Variants in BCKDHB observed in about 807,000 individuals in gnomAD.
The protein encoded by BCKDHB is 2-oxoisovalerate dehydrogenase subunit beta, mitochondrial.
Under a neutral mutation model 48.5 loss-of-function variants are expected in BCKDHB, and 41 were observed. That is an observed-to-expected ratio of 0.85 (90% CI 0.66 to 1.10). The LOEUF (loss-of-function observed/expected upper bound fraction) is 1.10. Ranked by LOEUF, BCKDHB falls within the 50% of genes least tolerant of loss-of-function variation. The pLI is 0.00. For missense variants in BCKDHB, 496 were observed against 494.2 expected (o/e 1.00, Z -0.03); for synonymous variants, 201 against 174.8 (o/e 1.15, Z -1.18).
chr6:80,185,255 T>C (rs1423207607), intron 6 of BCKDHB, among the ~76,000 whole-genome samples: 2 of 152,146 alleles, frequency 1.3e-5, no homozygotes, highest in Non-Finnish European at 2.9e-5. Context: ...TGTCTTTCAT[T>C]TCCAGAACTT....
At chr6:80,219,836 G>A (rs775299651) in intron 8 of BCKDHB, among the ~76,000 whole-genome samples, 7 of 151,880 alleles carry the variant, frequency 4.6e-5, no homozygotes, top group Non-Finnish European at 7.3e-5. Flanking sequence ...TGAAGATAAT[G>A]CTTCATTATA....
At position 80,191,287 on chromosome 6, in the gene BCKDHB, C is replaced by T. The variant is rs78108660; in HGVS notation, c.743-9647C>T. On this transcript the variant is annotated intron_variant, in intron 6 of 9. Transcript: ENST00000320393. ...ATGTATTCCCCGTATATCTTTCTTA[C>T]CTGAAAATAATTGTGTTTTGTCAGT... Among the ~76,000 whole-genome samples, 1,418 of 152,136 alleles carry T rather than the reference C, an allele frequency of 9.3e-3. 29 individuals are homozygous for T. The highest frequency in any genetic ancestry group is 0.033 in the African/African-American group (1,350 of 41,504).
chr6:80,177,114 CT>C (rs1486106278), intron 6 of BCKDHB, among the ~76,000 whole-genome samples: 1 of 149,714 alleles, frequency 6.7e-6, no homozygotes, highest in Non-Finnish European at 1.5e-5. Context: ...GTGGTCCTAG[CT>C]ACTTGGAAAG....
the BCKDHB span, among the ~76,000 whole-genome samples, chr6:80,453,492 A>G: frequency 7.9e-5 from 12 of 152,348 alleles, no homozygotes; most frequent in Middle Eastern, 3.4e-3. Context: ...AAAACAGTTC[A>G]TACACATACC....
chr6:80,432,534 G>T, the BCKDHB span, among the ~76,000 whole-genome samples: 1 of 151,992 alleles, frequency 6.6e-6, no homozygotes, highest in Non-Finnish European at 1.5e-5. Flanking sequence ...GCTCCATCTG[G>T]TCATTTATGT....
At chr6:80,358,773 C>A in the BCKDHB span, among the ~76,000 whole-genome samples, 3 of 152,194 alleles carry the variant, frequency 2.0e-5, no homozygotes, top group East Asian at 5.8e-4. Context: ...TACTTTGTAG[C>A]GATGGGGACT....
At chr6:80,255,856 A>G (rs747324013) in intron 8 of BCKDHB, among the ~76,000 whole-genome samples, 2 of 152,212 alleles carry the variant, frequency 1.3e-5, no homozygotes, top group African/African-American at 2.4e-5. Context: ...AAGATGTCAG[A>G]TGTACTATCC....
intron 3 of BCKDHB, among the ~76,000 whole-genome samples, chr6:80,162,023 C>T (rs1772341336): frequency 6.6e-6 from 1 of 152,078 alleles, no homozygotes; most frequent in Non-Finnish European, 1.5e-5. Flanking sequence ...TAGTTAAATC[C>T]ATCTCTCTGT....
At chr6:80,293,894 A>G (rs1242655677) in intron 9 of BCKDHB, among the ~76,000 whole-genome samples, 1 of 152,162 alleles carries the variant, frequency 6.6e-6, no homozygotes, top group African/African-American at 2.4e-5. Context: ...AACAAGAGTA[A>G]CGTTTACACC....
At chr6:80,442,592 G>A in the BCKDHB span, among the ~76,000 whole-genome samples, 1 of 152,108 alleles carries the variant, frequency 6.6e-6, no homozygotes, top group South Asian at 2.1e-4. Context: ...CTGGAGGAAA[G>A]AAGAAAATGA....
intron 8 of BCKDHB, among the ~76,000 whole-genome samples, chr6:80,240,734 G>A (rs1323140094): frequency 2.6e-5 from 4 of 152,242 alleles, no homozygotes; most frequent in South Asian, 4.1e-4. Context: ...GGGCATCCCT[G>A]TCTTGTGCCA....
At chr6:80,263,752 A>G (rs889149006) in intron 8 of BCKDHB, among the ~76,000 whole-genome samples, 4 of 152,150 alleles carry the variant, frequency 2.6e-5, no homozygotes, top group South Asian at 2.1e-4. Flanking sequence ...TGTACCCTTG[A>G]TACGTGCTTA....
At chr6:80,218,898 A>G (rs1357311442) in intron 8 of BCKDHB, among the ~76,000 whole-genome samples, 1 of 152,234 alleles carries the variant, frequency 6.6e-6, no homozygotes, top group Admixed American at 6.5e-5. Flanking sequence ...TTATTATGAT[A>G]ACAAATATTT....
At chr6:80,341,763 G>A (rs1435595901) in intron 9 of BCKDHB, among the ~76,000 whole-genome samples, 1 of 152,144 alleles carries the variant, frequency 6.6e-6, no homozygotes, top group Non-Finnish European at 1.5e-5. Flanking sequence ...TCCATGGATA[G>A]CTTGTTTATG....
chr6:80,333,218 C>T (rs1171789672), intron 9 of BCKDHB, among the ~76,000 whole-genome samples: 2 of 152,080 alleles, frequency 1.3e-5, no homozygotes, highest in African/African-American at 2.4e-5. Context: ...CTAAAATTAA[C>T]CAGGAGCCTT....
intron 9 of BCKDHB, among the ~76,000 whole-genome samples, chr6:80,337,361 C>T (rs1769645326): frequency 6.6e-6 from 1 of 152,016 alleles, no homozygotes; most frequent in Admixed American, 6.5e-5. Context: ...TTCTCATATT[C>T]TTAGAGTTTA....
At chr6:80,461,359 C>G in the BCKDHB span, among the ~76,000 whole-genome samples, 2 of 152,184 alleles carry the variant, frequency 1.3e-5, no homozygotes, top group Non-Finnish European at 2.9e-5. Context: ...CTAATCCTCT[C>G]TCATCTTATC....
the BCKDHB span, among the ~76,000 whole-genome samples, chr6:80,460,170 T>C: frequency 6.6e-6 from 1 of 152,168 alleles, no homozygotes; most frequent in Non-Finnish European, 1.5e-5. Flanking sequence ...CAAGAACCTT[T>C]GAACTTTCTG....
chr6:80,206,151 A>G (rs896767840), intron 8 of BCKDHB, among the ~76,000 whole-genome samples: 1 of 152,032 alleles, frequency 6.6e-6, no homozygotes, highest in Admixed American at 6.6e-5. Flanking sequence ...GACCCATCAT[A>G]CTCTCAATTG....
Sources: allele counts gnomAD v4.1 joint callset (sites outside exome capture counted in the v4.1 genomes callset), GRCh38; gene constraint gnomAD v4.1.1; transcripts MANE v1.5; gene names NCBI Gene and HGNC (gene_info 2026-07-23, HGNC 2026-07-21).